Variants in TMEM131L observed in about 807,000 individuals in gnomAD.
TMEM131L encodes the protein transmembrane 131 like.
A neutral mutation model predicts 192.2 loss-of-function variants in TMEM131L; 54 were observed. The ratio of observed to expected loss-of-function variants is 0.28; its 90% CI spans 0.23 to 0.35. The LOEUF is 0.35. TMEM131L is among the 10% of genes least tolerant of loss of function. The pLI, the probability that TMEM131L is intolerant of heterozygous loss-of-function variation, is 1.00. For synonymous variants in TMEM131L, 701 were observed against 704.9 expected (o/e 0.99, Z 0.09); for missense variants, 1,888 against 1,972.9 (o/e 0.96, Z 0.82).
intron 2 of TMEM131L, among the ~76,000 whole-genome samples, chr4:153,471,658 C>T (rs1731170282): frequency 6.6e-6 from 1 of 152,194 alleles, no homozygotes; most frequent in Non-Finnish European, 1.5e-5. Flanking sequence ...CTCCTGATGC[C>T]CCTTGGTTAG....
chr4:153,535,271 G>A (rs1411661371), intron 3 of TMEM131L, among the ~76,000 whole-genome samples: 1 of 152,196 alleles, frequency 6.6e-6, no homozygotes, highest in Non-Finnish European at 1.5e-5. Flanking sequence ...GGGCAGTTGG[G>A]TGTGGGGGTA....
intron 20 of TMEM131L, 111 bp downstream of exon 20, chr4:153,596,496 C>G (rs1731452527): frequency 2.2e-6 from 3 of 1,341,208 alleles, no homozygotes; most frequent in Non-Finnish European, 3.1e-6. Flanking sequence ...AGGATGAAGG[C>G]TGTGTTGCGG....
chr4:153,598,898 T>C (rs1297376310), intron 21 of TMEM131L, among the ~76,000 whole-genome samples, 166 bp downstream of exon 21: 3 of 152,230 alleles, frequency 2.0e-5, no homozygotes, highest in Non-Finnish European at 4.4e-5. Context: ...CAAACATTTG[T>C]GCATATATAG....
chr4:153,473,609 C>G (rs2149738037), intron 2 of TMEM131L, among the ~76,000 whole-genome samples: 1 of 152,276 alleles, frequency 6.6e-6, no homozygotes, highest in African/African-American at 2.4e-5. Context: ...CTGGCCAACA[C>G]AGTGAAACCC....
intron 4 of TMEM131L, among the ~76,000 whole-genome samples, chr4:153,551,232 G>A (rs923759919): frequency 3.3e-5 from 5 of 152,192 alleles, no homozygotes; most frequent in African/African-American, 9.7e-5. Context: ...AACCATGGCC[G>A]TAGGAGAGCA....
chr4:153,531,992 AC>A (rs1382082417), intron 3 of TMEM131L, among the ~76,000 whole-genome samples: 2 of 152,204 alleles, frequency 1.3e-5, no homozygotes, highest in Admixed American at 1.3e-4. Flanking sequence ...GAAGGAAATC[AC>A]CATTGTTCTC....
chr4:153,633,729 A>G (rs778529822), intron 32 of TMEM131L, among the ~76,000 whole-genome samples: 2 of 152,216 alleles, frequency 1.3e-5, no homozygotes, highest in South Asian at 2.1e-4. Flanking sequence ...TCTCATTTCT[A>G]TAATAAGAAT....
At chr4:153,576,727 A>AT (rs1301006790) in intron 7 of TMEM131L, among the ~76,000 whole-genome samples, 2 of 150,702 alleles carry the variant, frequency 1.3e-5, no homozygotes, top group Non-Finnish European at 3.0e-5. Flanking sequence ...TGTTAATATG[A>AT]TTTTTTTCTT....
chr4:153,635,037 A>G (rs982387690), intron 33 of TMEM131L, among the ~76,000 whole-genome samples: 1 of 152,248 alleles, frequency 6.6e-6, no homozygotes, highest in African/African-American at 2.4e-5. Context: ...GGATTGCTGT[A>G]TCAGCCCAGA....
chr4:153,484,568 A>G (rs1462035956), intron 3 of TMEM131L, among the ~76,000 whole-genome samples: 3 of 150,742 alleles, frequency 2.0e-5, no homozygotes, highest in African/African-American at 7.3e-5. Context: ...TCCCGGGTTC[A>G]TGCCATTCTC....
At position 153,603,788 on chromosome 4, in the gene TMEM131L, C is replaced by T; in HGVS notation, c.2790-14C>T. 2 of 1,561,000 alleles carry T rather than the reference C, an allele frequency of 1.3e-6. No homozygotes were observed. Among genetic ancestry groups the T allele is most frequent in the Middle Eastern group, 1.7e-4 (1 of 5,754 alleles). On this transcript the variant is annotated splice_polypyrimidine_tract_variant and intron_variant, in intron 24 of 34. Transcript: ENST00000409959. ...ATTTGCCTCTATGCTAAATGTTTTT[C>T]TTCTTAAATTCAGAAGCAATTGCAA...
chr4:153,520,965 A>G (rs981017745), intron 3 of TMEM131L, among the ~76,000 whole-genome samples: 1 of 152,178 alleles, frequency 6.6e-6, no homozygotes, highest in Non-Finnish European at 1.5e-5. Context: ...GTGTGTCTGC[A>G]TTAAAGGAAT....
intron 3 of TMEM131L, among the ~76,000 whole-genome samples, chr4:153,531,975 A>G (rs1172809315): frequency 1.3e-5 from 2 of 152,204 alleles, no homozygotes; most frequent in Non-Finnish European, 2.9e-5. Flanking sequence ...GCATGCTAAC[A>G]GATGAAGAAG....
At chr4:153,537,606 C>A (rs1736432704) in intron 3 of TMEM131L, among the ~76,000 whole-genome samples, 1 of 152,170 alleles carries the variant, frequency 6.6e-6, no homozygotes, top group Non-Finnish European at 1.5e-5. Context: ...GCAGTGAGGA[C>A]AACCAGAGGT....
chr4:153,596,636 A>G (rs1731460576), intron 20 of TMEM131L, among the ~76,000 whole-genome samples: 2 of 152,218 alleles, frequency 1.3e-5, no homozygotes, highest in African/African-American at 2.4e-5. Context: ...TGCTTTCCAC[A>G]CAGCTTCTCG....
At chr4:153,538,792 T>C (rs1736536567) in intron 3 of TMEM131L, among the ~76,000 whole-genome samples, 1 of 152,228 alleles carries the variant, frequency 6.6e-6, no homozygotes, top group Admixed American at 6.5e-5. Context: ...TCTGCAGATA[T>C]GCAGCCGCTG....
intron 26 of TMEM131L, among the ~76,000 whole-genome samples, chr4:153,618,217 G>A (rs1246289577): frequency 5.3e-5 from 8 of 152,066 alleles, no homozygotes; most frequent in East Asian, 1.9e-4. Context: ...ATCAGCAAAC[G>A]TAACTAGTTC....
chr4:153,587,736 A>G lies in TMEM131L; in HGVS notation c.1483-6A>G. ...TAAGTTATTCATATATTACTTTTCA[A>G]TCTAGGAAGGGAGTCTGGGTTTTGA... On this transcript the variant is annotated splice_region_variant and splice_polypyrimidine_tract_variant and intron_variant, in intron 14 of 34. Transcript: ENST00000409959. The G allele has an allele frequency of 6.3e-7, 1 of 1,599,472 alleles. No homozygotes were observed. The highest frequency in any genetic ancestry group is 2.2e-5 in the East Asian group (1 of 44,788).
chr4:153,591,454 T>A (rs1578816424), intron 17 of TMEM131L, among the ~76,000 whole-genome samples: 1 of 152,334 alleles, frequency 6.6e-6, no homozygotes, highest in African/African-American at 2.4e-5. Flanking sequence ...TTGACTAGCT[T>A]AACTAGGAGT....
Sources: allele counts gnomAD v4.1 joint callset (sites outside exome capture counted in the v4.1 genomes callset), GRCh38; gene constraint gnomAD v4.1.1; transcripts MANE v1.5; gene names NCBI Gene and HGNC (gene_info 2026-07-23, HGNC 2026-07-21).